Variants in NEGR1 observed in about 807,000 individuals in gnomAD.
NEGR1 encodes the protein neuronal growth regulator 1.
A neutral mutation model predicts 40.9 loss-of-function variants in NEGR1; 10 were observed. That is an observed-to-expected ratio of 0.24 (90% CI 0.15 to 0.42). The LOEUF is 0.42. Among genes scored for constraint, NEGR1 ranks in the 10% least tolerant of loss-of-function variants. The pLI is 1.00. For synonymous variants in NEGR1, 185 were observed against 166.8 expected, an observed-to-expected ratio of 1.11 and a Z score of -0.84; for missense variants, 352 against 438.9, an observed-to-expected ratio of 0.80 and a Z score of 1.77.
At chr1:71,807,804 A>G (rs915028983) in intron 2 of NEGR1, among the ~76,000 whole-genome samples, 2 of 152,208 alleles carry the variant, frequency 1.3e-5, no homozygotes, top group Non-Finnish European at 2.9e-5. Context: ...TGCAACTGAG[A>G]GGGAAACAGT....
intron 6 of NEGR1, among the ~76,000 whole-genome samples, chr1:71,560,707 A>C (rs1648427309): frequency 6.6e-6 from 1 of 151,226 alleles, no homozygotes; most frequent in Admixed American, 6.6e-5. Context: ...CATTTCTTAA[A>C]AGACCAGCCA....
intron 4 of NEGR1, among the ~76,000 whole-genome samples, chr1:71,612,162 C>T (rs1650284516): frequency 6.6e-6 from 1 of 152,196 alleles, no homozygotes; most frequent in Non-Finnish European, 1.5e-5. Flanking sequence ...GCAAAGCTTG[C>T]AGTGAGCCGA....
intron 6 of NEGR1, among the ~76,000 whole-genome samples, chr1:71,496,977 T>C (rs1189517728): frequency 6.6e-6 from 1 of 152,224 alleles, no homozygotes; most frequent in East Asian, 1.9e-4. Flanking sequence ...TAGGTTTTGA[T>C]GTGCTTAATC....
At chr1:71,654,904 A>G (rs1039030405) in intron 4 of NEGR1, among the ~76,000 whole-genome samples, 42 of 152,212 alleles carry the variant, frequency 2.8e-4, no homozygotes, top group African/African-American at 1.0e-3. Flanking sequence ...TTCCCTGGAT[A>G]AATAGTGATT....
intron 1 of NEGR1, among the ~76,000 whole-genome samples, chr1:72,199,004 C>A: frequency 6.6e-6 from 1 of 151,950 alleles, no homozygotes; most frequent in East Asian, 1.9e-4. Context: ...ATTATGAAAA[C>A]AACGTTGGTG....
intron 4 of NEGR1, among the ~76,000 whole-genome samples, chr1:71,680,940 A>G (rs1206617301): frequency 6.6e-6 from 1 of 152,228 alleles, no homozygotes; most frequent in East Asian, 1.9e-4. Context: ...TGCAGTAAGA[A>G]ACATTCCCAC....
At chr1:72,071,265 A>G (rs2100510456) in intron 1 of NEGR1, among the ~76,000 whole-genome samples, 1 of 152,198 alleles carries the variant, frequency 6.6e-6, no homozygotes, top group African/African-American at 2.4e-5. Context: ...AAATCAAAAG[A>G]AATCATCCAG....
chr1:71,560,689 T>C (rs1648426561), intron 6 of NEGR1, among the ~76,000 whole-genome samples: 1 of 151,116 alleles, frequency 6.6e-6, no homozygotes, highest in Non-Finnish European at 1.5e-5. Flanking sequence ...ATAAAAGTGA[T>C]CATTTTGCAT....
chr1:71,526,146 A>T (rs1647213545), intron 6 of NEGR1, among the ~76,000 whole-genome samples: 1 of 151,524 alleles, frequency 6.6e-6, no homozygotes, highest in African/African-American at 2.4e-5. Context: ...AAATTAATCA[A>T]CTAATTATGG....
intron 1 of NEGR1, among the ~76,000 whole-genome samples, chr1:72,058,033 T>C (rs1033686213): frequency 2.6e-4 from 39 of 151,608 alleles, no homozygotes; most frequent in African/African-American, 9.4e-4. Flanking sequence ...CTACATTTTT[T>C]TCCTGATTAT....
chr1:72,088,789 T>G (rs969203241), intron 1 of NEGR1, among the ~76,000 whole-genome samples: 5 of 127,054 alleles, frequency 3.9e-5, no homozygotes, highest in Non-Finnish European at 7.8e-5. Context: ...TGTAGTTCTC[T>G]CTCTCTCTTT....
chr1:71,803,777 T>G (rs570362856), intron 2 of NEGR1, among the ~76,000 whole-genome samples: 1 of 152,310 alleles, frequency 6.6e-6, no homozygotes, highest in East Asian at 1.9e-4. Flanking sequence ...TTACATAAAT[T>G]ACTTATATGT....
At position 72,233,977 on chromosome 1, in the gene NEGR1, TA is replaced by T. The variant is rs373516065; in HGVS notation, c.176+48341del. Among the ~76,000 whole-genome samples the T allele has an allele frequency of 8.7e-3, 1,331 of 152,124 alleles. 13 individuals are homozygous for T. The highest frequency in any genetic ancestry group is 0.03 in the African/African-American group (1,244 of 41,512). ...CCCAAAAGCTGTTATTTTTTTACCT[TA>T]AAAAAAATTATCTTTTATTTTAAGT... On this transcript the variant is annotated intron_variant, in intron 1 of 6. Coordinates refer to ENST00000357731, the MANE Select transcript of NEGR1 (RefSeq NM_173808.3).
At chr1:71,635,859 T>G (rs1651130107) in intron 4 of NEGR1, among the ~76,000 whole-genome samples, 1 of 152,050 alleles carries the variant, frequency 6.6e-6, no homozygotes, top group Admixed American at 6.6e-5. Flanking sequence ...GTCCTTACTT[T>G]TAATATACAC....
At chr1:71,859,529 C>T (rs1659879782) in intron 2 of NEGR1, among the ~76,000 whole-genome samples, 1 of 151,944 alleles carries the variant, frequency 6.6e-6, no homozygotes, top group African/African-American at 2.4e-5. Flanking sequence ...TTGCAACTGC[C>T]TCTGGGTTTT....
intron 3 of NEGR1, among the ~76,000 whole-genome samples, chr1:71,746,880 A>T (rs1655404504): frequency 6.6e-6 from 1 of 152,210 alleles, no homozygotes; most frequent in African/African-American, 2.4e-5. Context: ...TCCCTCTCTC[A>T]AATGCCTTTC....
chr1:71,562,411 T>C (rs756599476), intron 6 of NEGR1, among the ~76,000 whole-genome samples: 2 of 101,332 alleles, frequency 2.0e-5, no homozygotes, highest in Admixed American at 9.3e-5. Context: ...ATATATTACA[T>C]TGCTTACCAT....
chr1:71,727,540 A>C (rs910668848), intron 3 of NEGR1, among the ~76,000 whole-genome samples: 2 of 152,150 alleles, frequency 1.3e-5, no homozygotes, highest in East Asian at 3.9e-4. Context: ...AGGAGATTGC[A>C]GACTGACTTG....
rs557619788 is a variant in NEGR1, at chr1:71,866,285, T to C, written c.409+68794A>G. Reference sequence around the variant, plus strand: ...GTAAAATATCTCCTAAGTAGACCATTAGCAATTTAGCAAAAGAAATTCTGG... The same window carrying C: ...GTAAAATATCTCCTAAGTAGACCATCAGCAATTTAGCAAAAGAAATTCTGG... On this transcript the variant is annotated intron_variant, in intron 2 of 6. Coordinates refer to ENST00000357731, the MANE Select transcript of NEGR1 (RefSeq NM_173808.3). Among the ~76,000 whole-genome samples the C allele has an allele frequency of 2.0e-5, 3 of 152,240 alleles. No homozygotes were observed. In the East Asian group the frequency reaches 5.8e-4, roughly 29 times the overall value.
Sources: gnomAD v4.1 joint callset for allele counts (sites outside exome capture counted in the v4.1 genomes callset) on GRCh38, gnomAD v4.1.1 for gene constraint, MANE v1.5 for transcripts, NCBI Gene and HGNC (gene_info 2026-07-23, HGNC 2026-07-21) for gene names.